Variants in PCMTD2 observed in about 807,000 individuals in gnomAD.
PCMTD2 encodes protein-L-isoaspartate (D-aspartate) O-methyltransferase domain containing 2.
PCMTD2 carries 16 observed loss-of-function variants against 33.4 expected under a neutral mutation model. The ratio of observed to expected loss-of-function variants is 0.48; its 90% CI spans 0.32 to 0.73. The LOEUF (loss-of-function observed/expected upper bound fraction) is 0.73, where lower values mean the gene tolerates loss of function less well. Among genes scored for constraint, PCMTD2 ranks in the 30% least tolerant of loss-of-function variants. PCMTD2 has a pLI of 0.03. For synonymous variants in PCMTD2, 161 were observed against 160.8 expected (o/e 1.00, Z -0.01); for missense variants, 374 against 449.9 (o/e 0.83, Z 1.53).
At chr20:64,263,145 C>T (rs1263652891) in intron 2 of PCMTD2, among the ~76,000 whole-genome samples, 2 of 152,180 alleles carry the variant, frequency 1.3e-5, no homozygotes, top group Admixed American at 1.3e-4. Flanking sequence ...TGGGAAGAAT[C>T]AAGCGCTATT....
At position 64,265,507 on chromosome 20, in the gene PCMTD2, C is replaced by T. The variant is rs1307580934; in HGVS notation, c.582+78C>T. On this transcript the variant is annotated intron_variant, in intron 4 of 5. Transcript: ENST00000308824. ...TCTGGGCAGTGTACGGATACTTACT[C>T]TTTTAACAATTTCCTGCATTTCACA... is the stretch of plus-strand genomic sequence containing the variant. 4.5e-6 allele frequency: 5 copies of T among 1,110,496 alleles called. No individual in the cohort carries two copies. In the East Asian group the frequency reaches 1.3e-4, roughly 28 times the overall value. 68.8% of individuals were successfully genotyped at this position (1,110,496 alleles called of 1,614,324 possible).
chr20:64,266,216 G>A lies in PCMTD2; in HGVS notation c.582+787G>A, dbSNP rs182307719. On this transcript the variant is annotated intron_variant, in intron 4 of 5. Coordinates refer to ENST00000308824, the MANE Select transcript of PCMTD2 (RefSeq NM_018257.3). ...CCCAAGTAGCTGGCACTATAGGCAC[G>A]TGCTGCCATGCCCAGATAAATTTAT... Among the ~76,000 whole-genome samples, 382 of 152,116 alleles carry A rather than the reference G, an allele frequency of 2.5e-3. 1 individual carries two copies. Among genetic ancestry groups the A allele is most frequent in the African/African-American group, 8.8e-3 (367 of 41,478 alleles).
In PCMTD2 at chr20:64,273,491, C is replaced by T. The variant is rs928297627; in HGVS notation, c.977C>T (p.Pro326Leu). The T allele has an allele frequency of 3.9e-5, 63 of 1,609,648 alleles. No homozygotes were observed. Among genetic ancestry groups the T allele is most frequent in the Admixed American group, 3.1e-4 (18 of 58,964 alleles). Reference protein sequence around the residue: ...EERREEEEKTPPETKPDPPVN... With the variant: ...EERREEEEKTLPETKPDPPVN... Reference sequence around the variant, plus strand: ...CGGAGGGAAGAAGAAGAGAAGACCCCGCCGGAAACAAAGCCAGACCCCCCA... The same window carrying T: ...CGGAGGGAAGAAGAAGAGAAGACCCTGCCGGAAACAAAGCCAGACCCCCCA... Residue 326 changes from proline to leucine, a missense_variant, in exon 6 of 6, where the codon CCG becomes CTG. Transcript: ENST00000308824.
rs1601749107 is a variant in PCMTD2 at position 64,273,275 on chromosome 20, C to T, written c.761C>T (p.Thr254Ile). Reference protein sequence around the residue: ...QDLARIAIRGTIKKIIHQETV... With the variant: ...QDLARIAIRGIIKKIIHQETV... The stretch of plus-strand genomic sequence containing the variant: ...TTGGCTCGCATCGCCATCCGGGGCA[C>T]CATTAAAAAGATTATTCATCAGGAA... Residue 254 changes from threonine to isoleucine, a missense_variant, in exon 6 of 6, where the codon ACC (threonine) becomes ATC (isoleucine). Physicochemically the swap from Thr to Ile is moderately conservative, Grantham distance 89. Coordinates refer to ENST00000308824, the MANE Select transcript of PCMTD2 (RefSeq NM_018257.3). The T allele has an allele frequency of 6.2e-7, 1 of 1,613,902 alleles. No individual in the cohort carries two copies. Among genetic ancestry groups the T allele is most frequent in the East Asian group, 2.2e-5 (1 of 44,880 alleles).
chr20:64,260,301 CA>C (rs1568732407), intron 2 of PCMTD2, 29 bp downstream of exon 2: 3 of 1,506,058 alleles, frequency 2.0e-6, no homozygotes, highest in African/African-American at 1.4e-5. Context: ...TCTGAAAACT[CA>C]TCTGTCTCAG....
intron 1 of PCMTD2, chr20:64,256,670 C>T (rs1256918309): frequency 2.0e-5 from 3 of 152,254 alleles, no homozygotes; most frequent in Non-Finnish European, 4.4e-5. Context: ...AAATAGAGCC[C>T]TACACTCAGG....
chr20:64,264,446 C>T lies in PCMTD2; in HGVS notation c.325C>T (p.His109Tyr). 6.3e-7 allele frequency: 1 copy of T among 1,589,438 alleles called. No individual in the cohort carries two copies. The highest frequency in any genetic ancestry group is 1.7e-5 in the Admixed American group (1 of 59,952). ...GLILGPFGVN[H>Y]GVELHSDVIE... ...CCTTTTAGGTCCTTTTGGTGTGAAC[C>T]ATGGGGTGGAACTTCACTCAGATGT... The change falls in exon 3 of 6, where the codon CAT becomes TAT. Residue 109 changes from histidine (H) to tyrosine (Y), a missense_variant. Coordinates refer to ENST00000308824, the MANE Select transcript of PCMTD2 (RefSeq NM_018257.3).
chr20:64,265,199 C>T, intron 3 of PCMTD2, 59 bp from the exon 4 acceptor site: 1 of 1,260,474 alleles, frequency 7.9e-7, no homozygotes, highest in Non-Finnish European at 1.1e-6. Flanking sequence ...CATAGATTTA[C>T]TGTATAGACT....
chr20:64,259,664 A>T (rs1406126657), intron 1 of PCMTD2, among the ~76,000 whole-genome samples: 2 of 152,172 alleles, frequency 1.3e-5, no homozygotes, highest in Non-Finnish European at 2.9e-5. Context: ...TGCTGGGATT[A>T]CAGTCATGAC....
chr20:64,270,351 GCGT>G (rs1335660028), intron 5 of PCMTD2, among the ~76,000 whole-genome samples: 1 of 150,902 alleles, frequency 6.6e-6, no homozygotes, highest in Non-Finnish European at 1.5e-5. Context: ...GCACGGTGTG[GCGT>G]CGTGAGTTCA....
chr20:64,262,245 C>G (rs1469437639), intron 2 of PCMTD2, among the ~76,000 whole-genome samples: 4 of 151,668 alleles, frequency 2.6e-5, no homozygotes, highest in African/African-American at 7.3e-5. Context: ...CGGAGCCAGA[C>G]TCCATCTCAA....
Position 64,260,031 on chromosome 20 carries a change from G to A in PCMTD2, c.66G>A (p.Gln22=). Reference sequence around the variant, plus strand: ...TGATAGATAATTTGAAAGAAGCACAGTATATCCGGACTGAGCTGGTAGAGC... The same window carrying A: ...TGATAGATAATTTGAAAGAAGCACAATATATCCGGACTGAGCTGGTAGAGC... ...DELIDNLKEA[Q]YIRTELVEQA... is the part of the protein sequence containing the mutation. Residue 22 remains glutamine (Q), a synonymous_variant, in exon 2 of 6, where the codon CAG becomes CAA. Transcript: ENST00000308824. 2.5e-6 allele frequency: 4 copies of A among 1,612,366 alleles called. No homozygotes were observed. Among genetic ancestry groups the A allele is most frequent in the Non-Finnish European group, 3.4e-6 (4 of 1,178,378 alleles).
intron 5 of PCMTD2, among the ~76,000 whole-genome samples, chr20:64,269,386 G>T (rs1985791894): frequency 6.6e-6 from 1 of 152,202 alleles, no homozygotes; most frequent in Non-Finnish European, 1.5e-5. Context: ...TGTGGGGTTC[G>T]TCTGGCCGAT....
At chr20:64,267,127 T>C (rs898466069) in intron 4 of PCMTD2, among the ~76,000 whole-genome samples, 2 of 152,220 alleles carry the variant, frequency 1.3e-5, no homozygotes, top group Non-Finnish European at 2.9e-5. Flanking sequence ...AGAAATAGTT[T>C]TGTGACCTGT....
chr20:64,269,595 A>C (rs900454548), intron 5 of PCMTD2, among the ~76,000 whole-genome samples: 18 of 152,292 alleles, frequency 1.2e-4, no homozygotes, highest in African/African-American at 4.3e-4. Flanking sequence ...TGGAGTAGAA[A>C]ACTCTGTGAG....
intron 2 of PCMTD2, among the ~76,000 whole-genome samples, chr20:64,261,734 C>G (rs1985424999): frequency 6.6e-6 from 1 of 151,362 alleles, no homozygotes; most frequent in Non-Finnish European, 1.5e-5. Context: ...TTGACCGTAA[C>G]TTCTCTTCAA....
At chr20:64,263,123 AAAT>A (rs1464323078) in intron 2 of PCMTD2, among the ~76,000 whole-genome samples, 2 of 152,202 alleles carry the variant, frequency 1.3e-5, no homozygotes, top group South Asian at 2.1e-4. Context: ...GGGTCAGTGA[AAAT>A]AAGATGAGTG....
intron 5 of PCMTD2, among the ~76,000 whole-genome samples, chr20:64,268,834 G>A (rs980486705): frequency 6.6e-6 from 1 of 152,040 alleles, no homozygotes; most frequent in Non-Finnish European, 1.5e-5. Context: ...CTTTGCTTTG[G>A]TCTCTACTAA....
intron 1 of PCMTD2, chr20:64,257,087 TG>T (rs1325376207): frequency 6.6e-6 from 1 of 152,280 alleles, no homozygotes; most frequent in African/African-American, 2.4e-5. Context: ...TTGATCATTC[TG>T]CCCAAAGGAG....
Sources: allele counts gnomAD v4.1 joint callset (sites outside exome capture counted in the v4.1 genomes callset), GRCh38; gene constraint gnomAD v4.1.1; transcripts MANE v1.5; gene names NCBI Gene and HGNC (gene_info 2026-07-23, HGNC 2026-07-21).